SH3BP5: variants seen among roughly 807,000 people sequenced by gnomAD.
The protein encoded by SH3BP5 is SH3 domain binding protein 5.
A neutral mutation model predicts 43.3 loss-of-function variants in SH3BP5; 22 were observed. That is an observed-to-expected ratio of 0.51 (90% CI 0.36 to 0.73). The LOEUF (loss-of-function observed/expected upper bound fraction) is 0.73, where lower values mean the gene tolerates loss of function less well. Ranked by LOEUF, SH3BP5 falls within the 30% of genes least tolerant of loss-of-function variation. The probability of loss-of-function intolerance (pLI) is 0.00; values close to 1 mark genes in which losing one functional copy is unlikely to be tolerated. For missense variants in SH3BP5, 529 were observed against 586.9 expected (o/e 0.90, Z 1.02); for synonymous variants, 255 against 225.8 (o/e 1.13, Z -1.16).
Position 15,256,060 on chromosome 3 carries a change from G to A in SH3BP5, c.*26C>T. On this transcript the variant is annotated 3_prime_UTR_variant, in exon 9 of 9. Coordinates refer to ENST00000383791, the MANE Select transcript of SH3BP5 (RefSeq NM_004844.5). ...CAGTTCCATGTATAAATGTTGATAT[G>A]CACATCGGCCAGGGCCCAGGATGAA... 1 of 1,547,116 alleles carries A rather than the reference G, an allele frequency of 6.5e-7. No homozygotes were observed. The highest frequency in any genetic ancestry group is 8.9e-7 in the Non-Finnish European group (1 of 1,123,112).
intron 2 of SH3BP5, among the ~76,000 whole-genome samples, chr3:15,329,162 A>AT (rs1424414110): frequency 1.3e-5 from 2 of 148,598 alleles, no homozygotes; most frequent in Non-Finnish European, 3.0e-5. Flanking sequence ...AAAAAAAAAA[A>AT]TTTTAATTAA....
intron 4 of SH3BP5, among the ~76,000 whole-genome samples, chr3:15,266,137 C>T (rs1696637716): frequency 6.6e-6 from 1 of 152,226 alleles, no homozygotes; most frequent in African/African-American, 2.4e-5. Context: ...CCTCTTTGCC[C>T]AGGGAGGCAA....
At chr3:15,333,306 G>A, upstream of SH3BP5, 6 of 981,720 alleles carry the variant, frequency 6.1e-6, no homozygotes, top group Non-Finnish European at 7.3e-6. Context: ...AAATGTCAGG[G>A]CCACTGTGAT....
At chr3:15,291,671 G>A (rs573577024) in intron 3 of SH3BP5, among the ~76,000 whole-genome samples, 119 of 152,136 alleles carry the variant, frequency 7.8e-4, no homozygotes, top group African/African-American at 2.7e-3. Flanking sequence ...GTGTAGTTCT[G>A]TCTCTCACAT....
intron 2 of SH3BP5, among the ~76,000 whole-genome samples, chr3:15,314,752 T>G (rs557269604): frequency 2.6e-5 from 4 of 152,228 alleles, no homozygotes; most frequent in African/African-American, 7.2e-5. Context: ...AAGAATATAC[T>G]AGGATCTTCA....
intron 5 of SH3BP5, chr3:15,260,011 G>C (rs1274781006): frequency 1.7e-6 from 1 of 598,010 alleles, no homozygotes; most frequent in Admixed American, 3.0e-5. Context: ...CTCACCCAGG[G>C]CTATATTAAC....
intron 3 of SH3BP5, among the ~76,000 whole-genome samples, chr3:15,276,644 C>T (rs1302124061): frequency 1.3e-5 from 2 of 152,006 alleles, no homozygotes; most frequent in Non-Finnish European, 2.9e-5. Flanking sequence ...TGGTTAGCTC[C>T]AGCAACTGCA....
At chr3:15,320,111 C>T (rs188062734) in intron 2 of SH3BP5, among the ~76,000 whole-genome samples, 2 of 152,098 alleles carry the variant, frequency 1.3e-5, no homozygotes, top group Non-Finnish European at 2.9e-5. Flanking sequence ...CCTTTGCATG[C>T]TGGAAACAAA....
chr3:15,312,924 A>G (rs1698095243), intron 2 of SH3BP5, among the ~76,000 whole-genome samples: 1 of 152,158 alleles, frequency 6.6e-6, no homozygotes, highest in Non-Finnish European at 1.5e-5. Flanking sequence ...ATGGTTTTCC[A>G]TTTATAATAA....
At chr3:15,305,415 G>T (rs955370399) in intron 2 of SH3BP5, among the ~76,000 whole-genome samples, 1 of 152,210 alleles carries the variant, frequency 6.6e-6, no homozygotes, top group African/African-American at 2.4e-5. Flanking sequence ...CTGGGCCTTG[G>T]GCGTGGCCCT....
chr3:15,336,814 CT>C (rs1224010587), upstream of SH3BP5, among the ~76,000 whole-genome samples: 4 of 152,112 alleles, frequency 2.6e-5, no homozygotes, highest in Non-Finnish European at 4.4e-5. Context: ...TCCCTAGACT[CT>C]TTTACAGTCC....
At position 15,292,989 on chromosome 3, in the gene SH3BP5, C is replaced by G. The variant is rs186927137; in HGVS notation, c.330+11114G>C. ...AAATCTACTTGTGTGTGTCAGGAGC[C>G]TTTGACCTGGGTCAAAAGCTGCAAC... is the stretch of plus-strand genomic sequence containing the variant. On this transcript the variant is annotated intron_variant, in intron 3 of 8. Coordinates refer to ENST00000383791, the MANE Select transcript of SH3BP5 (RefSeq NM_004844.5). 1.6e-3 allele frequency among the ~76,000 whole-genome samples: 239 copies of G among 152,318 alleles called. 4 individuals are homozygous for G. The highest frequency in any genetic ancestry group is 5.5e-3 in the African/African-American group (227 of 41,574).
intron 2 of SH3BP5, among the ~76,000 whole-genome samples, chr3:15,324,103 C>G (rs1347551137): frequency 6.6e-6 from 1 of 152,152 alleles, no homozygotes; most frequent in Non-Finnish European, 1.5e-5. Context: ...TATAATCAAC[C>G]AATCACCAAA....
At chr3:15,332,632 C>T, upstream of SH3BP5, 1 of 1,170,958 alleles carries the variant, frequency 8.5e-7, no homozygotes, top group Admixed American at 4.7e-5. Flanking sequence ...GTCAGCGCAG[C>T]GCCCGCTCCG....
chr3:15,291,127 C>T (rs1697401303), intron 3 of SH3BP5, among the ~76,000 whole-genome samples: 1 of 152,218 alleles, frequency 6.6e-6, no homozygotes, highest in African/African-American at 2.4e-5. Context: ...ATCTTAGAAA[C>T]TCAATTTCGT....
chr3:15,273,054 G>T, intron 3 of SH3BP5: 2 of 826,608 alleles, frequency 2.4e-6, no homozygotes, highest in Non-Finnish European at 2.9e-6. Context: ...ACGAGAGGAA[G>T]CAGAGGGAAC....
chr3:15,262,219 G>A lies in SH3BP5; in HGVS notation c.566C>T (p.Ala189Val), dbSNP rs766767162. ...VHKETAARYN[A>V]AMGRMRQLEK... is the part of the protein sequence containing the mutation. ...CAGCTGTCGCATGCGGCCCATGGCG[G>A]CATTGTACCTGGCTGCCGTCTCCTT... The change falls in exon 5 of 9, where the codon GCC (alanine) becomes GTC (valine). Residue 189 changes from alanine (A) to valine (V), a missense_variant. Physicochemically the swap from Ala to Val is moderately conservative, Grantham distance 64 (BLOSUM62 0). Transcript: ENST00000383791. The A allele has an allele frequency of 1.2e-6, 2 of 1,614,184 alleles. No homozygotes were observed. Among genetic ancestry groups the A allele is most frequent in the South Asian group, 1.1e-5 (1 of 91,080 alleles).
chr3:15,330,100 A>G (rs1299161518), intron 2 of SH3BP5, among the ~76,000 whole-genome samples: 1 of 152,256 alleles, frequency 6.6e-6, no homozygotes, highest in African/African-American at 2.4e-5. Flanking sequence ...AGTCAGAGGA[A>G]ACAACACAAC....
intron 3 of SH3BP5, among the ~76,000 whole-genome samples, chr3:15,283,324 G>T (rs1027931061): frequency 6.6e-6 from 1 of 152,208 alleles, no homozygotes; most frequent in Non-Finnish European, 1.5e-5. Flanking sequence ...TTGAACCCAG[G>T]AAAGGGAGGC....
Sources: allele counts gnomAD v4.1 joint callset (sites outside exome capture counted in the v4.1 genomes callset), GRCh38; gene constraint gnomAD v4.1.1; transcripts MANE v1.5; gene names NCBI Gene and HGNC (gene_info 2026-07-23, HGNC 2026-07-21).